The following FRS3 variants were observed in gnomAD, a reference collection of about 807,000 sequenced individuals.
The protein encoded by FRS3 is fibroblast growth factor receptor substrate 3, also known as FGFR substrate 3.
In FRS3, 17 loss-of-function variants were observed where a neutral mutation model predicts 41.9. The ratio of observed to expected loss-of-function variants is 0.41; its 90% CI spans 0.28 to 0.61. The LOEUF (loss-of-function observed/expected upper bound fraction) is 0.61. FRS3 is among the 20% of genes least tolerant of loss of function. The pLI is 0.36. For synonymous variants in FRS3, 287 were observed against 274.5 expected (o/e 1.05, Z -0.45); for missense variants, 619 against 672.1 (o/e 0.92, Z 0.87).
intron 5 of FRS3, 64 bp downstream of exon 5, chr6:41,772,734 T>C: frequency 6.8e-7 from 1 of 1,464,470 alleles, no homozygotes; most frequent in Non-Finnish European, 9.1e-7. Flanking sequence ...CTCAGATTTG[T>C]GCTTCCTGGG....
Position 41,771,552 on chromosome 6 carries a change from T to G in FRS3, c.565-19A>C. The G allele has an allele frequency of 6.6e-7, 1 of 1,509,364 alleles. No homozygotes were observed. Among genetic ancestry groups the G allele is most frequent in the South Asian group, 1.3e-5 (1 of 78,466 alleles). The allele number at this position is 1,509,364 out of a possible 1,614,324, so 93.5% of individuals were successfully genotyped here. ...TGTGGGACTGGGGAAAGAGTCCAAG[T>G]GAGGCAGGAGTGTCCCAGGGCAGGG... On this transcript the variant is annotated intron_variant, in intron 6 of 6. Coordinates refer to ENST00000373018, the MANE Select transcript of FRS3 (RefSeq NM_006653.5).
At chr6:41,778,217 A>G (rs556544828) in intron 1 of FRS3, 41 bp from the exon 2 acceptor site, 4 of 152,532 alleles carry the variant, frequency 2.6e-5, no homozygotes, top group African/African-American at 9.6e-5. Context: ...AAAACCTTCT[A>G]TCTTCACCCC....
rs184674976 is a variant in FRS3 at position 41,771,974 on chromosome 6, C to A, written c.416-10G>T. On this transcript the variant is annotated splice_polypyrimidine_tract_variant and intron_variant, in intron 5 of 6. Transcript: ENST00000373018. ...ACAGTGTAGCCTAGAGCTGAGCACACGGGAGACAAGCCCAGGAGAGGGGAA... is the reference window on the plus strand; with the variant it reads ...ACAGTGTAGCCTAGAGCTGAGCACAAGGGAGACAAGCCCAGGAGAGGGGAA... 1 of 1,532,360 alleles carries A rather than the reference C, an allele frequency of 6.5e-7. No homozygotes were observed. The highest frequency in any genetic ancestry group is 8.8e-7 in the Non-Finnish European group (1 of 1,134,536). The allele number at this position is 1,532,360 out of a possible 1,614,324, so 94.9% of individuals were successfully genotyped here.
rs531548956 is a variant in FRS3, at chr6:41,774,041, C to T, written c.254-1082G>A. 2.6e-5 allele frequency among the ~76,000 whole-genome samples: 4 copies of T among 152,094 alleles called. No individual in the cohort carries two copies. The South Asian group carries it at 8.3e-4, about 32-fold the overall frequency. ...CTCAGCTCACTGCAAGCTCCGCCTCCCGGGTTCACGCCATTCTCCTGCCTC... is the reference window on the plus strand; with the variant it reads ...CTCAGCTCACTGCAAGCTCCGCCTCTCGGGTTCACGCCATTCTCCTGCCTC... On this transcript the variant is annotated intron_variant, in intron 4 of 6. Coordinates refer to ENST00000373018, the MANE Select transcript of FRS3 (RefSeq NM_006653.5).
intron 4 of FRS3, among the ~76,000 whole-genome samples, chr6:41,773,967 G>A (rs916986123): frequency 1.7e-4 from 26 of 151,664 alleles, no homozygotes; most frequent in African/African-American, 5.1e-4. Flanking sequence ...TTATTTTTTC[G>A]GAGACGGAGT....
rs1234299974 is a variant in FRS3 at position 41,779,818 on chromosome 6, CGCCCCGCGGCCCGGGCGGCGCCGG to C, written c.-194_-171del. 1.7e-4 allele frequency: 25 copies of C among 146,400 alleles called. No homozygotes were observed. The South Asian group carries it at 3.3e-3, about 19-fold the overall frequency. 9.1% of individuals were successfully genotyped at this position (146,400 alleles called of 1,614,324 possible). A position where few individuals can be genotyped will look rare whatever the true frequency, so the allele number is the denominator to read the frequency against. ...CGCCCCGCCGCGCCCCGACTCACATCGCCCCGCGGCCCGGGCGGCGCCGGGCCCCGCTCCCGGGTCCCGCTGCAG... is the reference window on the plus strand; with the variant it reads ...CGCCCCGCCGCGCCCCGACTCACATCGCCCCGCTCCCGGGTCCCGCTGCAG... On this transcript the variant is annotated 5_prime_UTR_variant, in exon 1 of 7. Coordinates refer to ENST00000373018, the MANE Select transcript of FRS3 (RefSeq NM_006653.5).
At position 41,772,836 on chromosome 6, in the gene FRS3, G is replaced by A; in HGVS notation, c.377C>T (p.Ala126Val). The A allele has an allele frequency of 6.2e-7, 1 of 1,613,588 alleles. No individual in the cohort carries two copies. Residue 126 changes from alanine (A) to valine (V), a missense_variant, in exon 5 of 7, where the codon GCT (alanine) becomes GTT (valine). Physicochemically the swap from Ala to Val is moderately conservative, Grantham distance 64. Transcript: ENST00000373018. The part of the protein sequence containing the change: ...PVIITRNSHP[A>V]ELDLPRAPQP... ...GGGGGCTCGAGGGAGGTCAAGCTCA[G>A]CGGGGTGGCTATTGCGGGTGATGAT...
chr6:41,772,768 G>T, intron 5 of FRS3, 30 bp downstream of exon 5: 1 of 1,575,502 alleles, frequency 6.3e-7, no homozygotes, highest in Non-Finnish European at 8.6e-7. Flanking sequence ...GTGTGTGTGT[G>T]TGTGTGTGTG....
At chr6:41,772,756 G>GTGTGTGTGTC in intron 5 of FRS3, 42 bp downstream of exon 5, 1 of 1,483,572 alleles carries the variant, frequency 6.7e-7, no homozygotes, top group Non-Finnish European at 9.2e-7. Flanking sequence ...GTGTGTGTGT[G>GTGTGTGTGTC]TGTGTGTGTG....
At chr6:41,778,274 C>G (rs961527994) in intron 1 of FRS3, 98 bp from the exon 2 acceptor site, 2 of 152,260 alleles carry the variant, frequency 1.3e-5, no homozygotes, top group Admixed American at 6.5e-5. Context: ...ACCTGGGTAT[C>G]TGTTCCAGCC....
chr6:41,776,133 G>A (rs929840469), intron 3 of FRS3, among the ~76,000 whole-genome samples: 8 of 152,158 alleles, frequency 5.3e-5, no homozygotes, highest in African/African-American at 1.9e-4. Context: ...AATGAGGAAG[G>A]AGGAGGCTCC....
In FRS3 at chr6:41,770,790, G is replaced by A. The variant is rs763060887; in HGVS notation, c.1308C>T (p.Pro436=). ...TGGGCATGGGGGCTTGGGGGCTCGA[G>A]GGGTTCTGGGGCCCCTTAGGGCGGT... ...GGDRPKGPQN[P]SSPQAPMPTT... The change falls in exon 7 of 7, where the codon CCC becomes CCT. Residue 436 remains proline (P), a synonymous_variant. Coordinates refer to ENST00000373018, the MANE Select transcript of FRS3 (RefSeq NM_006653.5). The A allele has an allele frequency of 6.2e-7, 1 of 1,611,846 alleles. No individual in the cohort carries two copies. Among genetic ancestry groups the A allele is most frequent in the Non-Finnish European group, 8.5e-7 (1 of 1,179,248 alleles).
intron 4 of FRS3, 114 bp downstream of exon 4, chr6:41,775,305 C>T (rs1415130183): frequency 1.8e-5 from 14 of 765,176 alleles, no homozygotes; most frequent in Non-Finnish European, 2.6e-5. Context: ...TCACACTCTA[C>T]TGCCCACAGG....
At chr6:41,771,997 G>A in intron 5 of FRS3, 33 bp from the exon 6 acceptor site, 1 of 1,490,992 alleles carries the variant, frequency 6.7e-7, no homozygotes, top group South Asian at 1.3e-5. Flanking sequence ...CAGGAGAGGG[G>A]AACTTAAGCC....
chr6:41,775,673 C>A (rs368044062), intron 3 of FRS3, 68 bp from the exon 4 acceptor site: 1 of 1,177,826 alleles, frequency 8.5e-7, no homozygotes, highest in Non-Finnish European at 1.3e-6. Flanking sequence ...CCCTGAGCCA[C>A]TGGGAGACAA....
rs759081151 is a variant in FRS3 at position 41,772,885 on chromosome 6, T to C, written c.328A>G (p.Ile110Val). Residue 110 changes from isoleucine to valine, a missense_variant, in exon 5 of 7, where the codon ATC becomes GTC. By Grantham distance (29) the Ile-to-Val change is conservative. Around this residue, in one of 3 missense-constraint regions of FRS3, gnomAD observed 487 missense variants for 478.3 expected, o/e 1.02. Coordinates refer to ENST00000373018, the MANE Select transcript of FRS3 (RefSeq NM_006653.5). ...ATGACAGGCTCTTCCATCACATTGA[T>C]GCTGTTGCACTGCATCAGATCCTGA... Reference protein sequence around the residue: ...LLQDLMQCNSINVMEEPVIIT... With the variant: ...LLQDLMQCNSVNVMEEPVIIT... 1.2e-6 allele frequency: 2 copies of C among 1,613,874 alleles called. No homozygotes were observed. Among genetic ancestry groups the C allele is most frequent in the South Asian group, 2.2e-5 (2 of 91,068 alleles).
rs1296676209 is a variant in FRS3 at position 41,771,310 on chromosome 6, A to G, written c.788T>C (p.Leu263Pro). The G allele has an allele frequency of 1.9e-6, 3 of 1,613,448 alleles. No homozygotes were observed. The highest frequency in any genetic ancestry group is 2.5e-6 in the Non-Finnish European group (3 of 1,179,666). Residue 263 changes from leucine (L) to proline (P), a missense_variant, in exon 7 of 7, where the codon CTG (leucine) becomes CCG (proline). Around this residue, in one of 3 missense-constraint regions of FRS3, gnomAD observed 487 missense variants for 478.3 expected, o/e 1.02. Transcript: ENST00000373018. Reference protein sequence around the residue: ...MVKCQGLCPSLHDPPHHNNNN... With the variant: ...MVKCQGLCPSPHDPPHHNNNN... ...ATTATTGTGGTGTGGGGGGTCATGC[A>G]GGCTGGGACAGAGGCCCTGGCACTT...
Position 41,770,425 on chromosome 6 carries a change from G to A in FRS3, c.*194C>T. On this transcript the variant is annotated 3_prime_UTR_variant, in exon 7 of 7. Transcript: ENST00000373018. ...TCGCCTGGTCACCCTTCTCTCCCCAGCCTGGAGACAGACCAGGAGACTCGG... is the reference window on the plus strand; with the variant it reads ...TCGCCTGGTCACCCTTCTCTCCCCAACCTGGAGACAGACCAGGAGACTCGG... 1 of 612,504 alleles carries A rather than the reference G, an allele frequency of 1.6e-6. No individual in the cohort carries two copies. Among genetic ancestry groups the A allele is most frequent in the Non-Finnish European group, 2.9e-6 (1 of 346,398 alleles). The allele number at this position is 612,504 out of a possible 1,614,324, so 37.9% of individuals were successfully genotyped here. A position where few individuals can be genotyped will look rare whatever the true frequency, so the allele number is the denominator to read the frequency against.
Position 41,772,822 on chromosome 6 carries a change from G to A in FRS3, c.391C>T (p.Pro131Ser), listed in dbSNP as rs1408899482. The A allele has an allele frequency of 1.2e-6, 2 of 1,612,752 alleles. No homozygotes were observed. The highest frequency in any genetic ancestry group is 1.1e-5 in the South Asian group (1 of 91,020). The change falls in exon 5 of 7, where the codon CCT becomes TCT. Residue 131 changes from proline (P) to serine (S), a missense_variant. Pro to Ser is a moderately conservative substitution (Grantham distance 74). Around this residue, in one of 3 missense-constraint regions of FRS3, gnomAD observed 487 missense variants for 478.3 expected, o/e 1.02. Coordinates refer to ENST00000373018, the MANE Select transcript of FRS3 (RefSeq NM_006653.5). ...RNSHPAELDL[P>S]RAPQPPNALG... Reference sequence around the variant, plus strand: ...CCATTGGGTGGCTGGGGGGCTCGAGGGAGGTCAAGCTCAGCGGGGTGGCTA... The same window carrying A: ...CCATTGGGTGGCTGGGGGGCTCGAGAGAGGTCAAGCTCAGCGGGGTGGCTA...
Sources: allele counts gnomAD v4.1 joint callset (sites outside exome capture counted in the v4.1 genomes callset), GRCh38; gene constraint gnomAD v4.1.1; regional missense constraint gnomAD v4.1.1; transcripts MANE v1.5; gene names NCBI Gene and HGNC (gene_info 2026-07-23, HGNC 2026-07-21).